PKNOX2: variants seen among roughly 807,000 people sequenced by gnomAD.
The protein encoded by PKNOX2 is homeobox protein PKNOX2.
Under a neutral mutation model 53.1 loss-of-function variants are expected in PKNOX2, and 14 were observed. That is an observed-to-expected ratio of 0.26 (90% CI 0.17 to 0.41). The LOEUF (loss-of-function observed/expected upper bound fraction) is 0.41. Ranked by LOEUF, PKNOX2 falls within the 10% of genes least tolerant of loss-of-function variation. The pLI is 1.00. For missense variants in PKNOX2, 496 were observed against 602.8 expected, an observed-to-expected ratio of 0.82 and a Z score of 1.85; for synonymous variants, 257 against 242.8, an observed-to-expected ratio of 1.06 and a Z score of -0.54.
At chr11:125,263,351 C>CTTCCCGCATGA (rs774971955) in intron 2 of PKNOX2, among the ~76,000 whole-genome samples, 86 of 152,290 alleles carry the variant, frequency 5.6e-4, no homozygotes, top group Non-Finnish European at 1.1e-3. Flanking sequence ...GGAGGAGCGG[C>CTTCCCGCATGA]GTGGGAGCAA....
Position 125,426,495 on chromosome 11 carries a change from C to T in PKNOX2, c.937-2517C>T, listed in dbSNP as rs548635432. 4.6e-5 allele frequency among the ~76,000 whole-genome samples: 7 copies of T among 152,330 alleles called. No individual in the cohort carries two copies. In the East Asian group the frequency reaches 9.7e-4, roughly 21 times the overall value. ...GGCTGGTGAACCAGCACAGCCAGCA[C>T]GGCCACTAGCTCTGCTCAAGAAACA... On this transcript the variant is annotated intron_variant, in intron 10 of 12. Coordinates refer to ENST00000298282, the MANE Select transcript of PKNOX2 (RefSeq NM_001382323.2).
chr11:125,177,588 A>G (rs1955794633), intron 1 of PKNOX2, among the ~76,000 whole-genome samples: 1 of 152,142 alleles, frequency 6.6e-6, no homozygotes, highest in African/African-American at 2.4e-5. Flanking sequence ...GGATTCAGTG[A>G]GGTAACAGCA....
Position 125,178,647 on chromosome 11 carries a change from AAGG to A in PKNOX2, c.-201+13873_-201+13875del, listed in dbSNP as rs1565462452. 3.8e-4 allele frequency among the ~76,000 whole-genome samples: 39 copies of A among 103,594 alleles called. 12 individuals carry two copies. The highest frequency in any genetic ancestry group is 2.5e-3 in the African/African-American group (37 of 14,844). 68.0% of individuals were successfully genotyped at this position (103,594 alleles called of 152,430 possible). Reference sequence around the variant, plus strand: ...GAAAGAAAGAAAGAAAGAAAGAAAGAAGGAAGGAAGGAAGGAAGGAAGGAAAGA... The same window carrying A: ...GAAAGAAAGAAAGAAAGAAAGAAAGAAAGGAAGGAAGGAAGGAAGGAAAGA... On this transcript the variant is annotated intron_variant, in intron 1 of 12. Coordinates refer to ENST00000298282, the MANE Select transcript of PKNOX2 (RefSeq NM_001382323.2).
chr11:125,226,020 T>A (rs1941653551), intron 1 of PKNOX2, among the ~76,000 whole-genome samples: 1 of 152,244 alleles, frequency 6.6e-6, no homozygotes, highest in African/African-American at 2.4e-5. Flanking sequence ...GTGTGGCAAC[T>A]TGCCTCCTCC....
intron 1 of PKNOX2, among the ~76,000 whole-genome samples, chr11:125,197,523 C>T (rs11825369): frequency 0.019 from 2,906 of 152,230 alleles, 84 homozygotes; most frequent in African/African-American, 0.065. Context: ...AGGCTCTGCC[C>T]CGGTCTTCAG....
intron 10 of PKNOX2, among the ~76,000 whole-genome samples, chr11:125,412,319 C>T (rs972466618): frequency 1.3e-5 from 2 of 152,178 alleles, no homozygotes; most frequent in African/African-American, 2.4e-5. Context: ...GTGAGCCAAG[C>T]GCTGTGTGGT....
intron 2 of PKNOX2, among the ~76,000 whole-genome samples, chr11:125,302,609 G>T (rs777191233): frequency 6.6e-6 from 1 of 152,204 alleles, no homozygotes; most frequent in Non-Finnish European, 1.5e-5. Flanking sequence ...GCCCTCCAGA[G>T]TATTGGGGGT....
At chr11:125,391,579 C>T (rs1361078276) in intron 6 of PKNOX2, among the ~76,000 whole-genome samples, 2 of 152,214 alleles carry the variant, frequency 1.3e-5, no homozygotes, top group African/African-American at 4.8e-5. Context: ...GTTCAAACTA[C>T]TTGTTCAAAA....
chr11:125,363,199 C>T (rs995843122), intron 4 of PKNOX2, among the ~76,000 whole-genome samples: 5 of 152,184 alleles, frequency 3.3e-5, no homozygotes, highest in Non-Finnish European at 4.4e-5. Context: ...GGATTACAGG[C>T]GTGAGCCACT....
At chr11:125,359,338 A>G (rs986179392) in intron 4 of PKNOX2, among the ~76,000 whole-genome samples, 13 of 151,936 alleles carry the variant, frequency 8.6e-5, no homozygotes, top group African/African-American at 2.7e-4. Flanking sequence ...CAGGGACCAT[A>G]TGGGGACCCA....
At position 125,386,181 on chromosome 11, in the gene PKNOX2, C is replaced by T. The variant is rs138430723; in HGVS notation, c.399+459C>T. Among the ~76,000 whole-genome samples, 305 of 152,322 alleles carry T rather than the reference C, an allele frequency of 2.0e-3. 2 individuals are homozygous for T. The highest frequency in any genetic ancestry group is 6.9e-3 in the African/African-American group (288 of 41,562). On this transcript the variant is annotated intron_variant, in intron 6 of 12. Coordinates refer to ENST00000298282, the MANE Select transcript of PKNOX2 (RefSeq NM_001382323.2). The stretch of plus-strand genomic sequence containing the variant: ...ATTAATCGAGAGAAAGACCTGACAT[C>T]GATGTGCTGAGGAGACCAGTGGAGG...
chr11:125,214,270 C>T (rs1940221907), intron 1 of PKNOX2, among the ~76,000 whole-genome samples: 1 of 152,030 alleles, frequency 6.6e-6, no homozygotes, highest in African/African-American at 2.4e-5. Context: ...CCCACCTACC[C>T]TTGAACCTGA....
At chr11:125,292,917 G>A (rs1324065562) in intron 2 of PKNOX2, among the ~76,000 whole-genome samples, 1 of 151,014 alleles carries the variant, frequency 6.6e-6, no homozygotes, top group African/African-American at 2.4e-5. Context: ...GCCACAAAGT[G>A]GGAGACGATG....
Position 125,402,239 on chromosome 11 carries a change from AC to A in PKNOX2, c.588+4180del, listed in dbSNP as rs370305008. On this transcript the variant is annotated intron_variant, in intron 7 of 12. Coordinates refer to ENST00000298282, the MANE Select transcript of PKNOX2 (RefSeq NM_001382323.2). ...AGCTAGATTTTCCCCCTCCCTAGGAACCCATCCTGTGCTGCAGGCACCCAAT... is the reference window on the plus strand; with the variant it reads ...AGCTAGATTTTCCCCCTCCCTAGGAACCATCCTGTGCTGCAGGCACCCAAT... Among the ~76,000 whole-genome samples, 28 of 152,072 alleles carry A rather than the reference AC, an allele frequency of 1.8e-4. No individual in the cohort carries two copies. The South Asian group carries it at 5.6e-3, about 30-fold the overall frequency.
rs377364151 is a variant in PKNOX2, at chr11:125,293,796, C to G, written c.-129-38023C>G. Among the ~76,000 whole-genome samples the G allele has an allele frequency of 2.3e-4, 35 of 149,346 alleles. 3 individuals carry two copies. Among genetic ancestry groups the G allele is most frequent in the East Asian group, 8.0e-4 (4 of 4,974 alleles). ...ATACTGACACAGACACGCTCACACA[C>G]ACACGCTCACACACACTCACACACA... On this transcript the variant is annotated intron_variant, in intron 2 of 12. Coordinates refer to ENST00000298282, the MANE Select transcript of PKNOX2 (RefSeq NM_001382323.2).
intron 2 of PKNOX2, among the ~76,000 whole-genome samples, chr11:125,236,762 G>A (rs1342597615): frequency 6.6e-6 from 1 of 152,196 alleles, no homozygotes; most frequent in Non-Finnish European, 1.5e-5. Flanking sequence ...GCCTTTTGGA[G>A]GGAAAGGAAG....
intron 2 of PKNOX2, among the ~76,000 whole-genome samples, chr11:125,304,208 T>C (rs770970716): frequency 7.9e-5 from 12 of 152,142 alleles, no homozygotes; most frequent in Admixed American, 3.9e-4. Context: ...GGTGATGTCC[T>C]AAACTGCAGC....
rs1165871037 is a variant in PKNOX2, at chr11:125,183,385, T to G, written c.-201+18609T>G. Among the ~76,000 whole-genome samples, 8 of 121,424 alleles carry G rather than the reference T, an allele frequency of 6.6e-5. 3 individuals are homozygous for G. Among genetic ancestry groups the G allele is most frequent in the Non-Finnish European group, 7.4e-5 (4 of 54,338 alleles). The allele number at this position is 121,424 out of a possible 152,430, so 79.7% of individuals were successfully genotyped here. ...GCGCCCGCCACCGCGCCCGGCTAATTTTTTGTATTTTTAGTAGAGACGGGG... is the reference window on the plus strand; with the variant it reads ...GCGCCCGCCACCGCGCCCGGCTAATGTTTTGTATTTTTAGTAGAGACGGGG... On this transcript the variant is annotated intron_variant, in intron 1 of 12. Transcript: ENST00000298282.
chr11:125,201,771 T>C (rs143167555), intron 1 of PKNOX2, among the ~76,000 whole-genome samples: 28 of 152,298 alleles, frequency 1.8e-4, no homozygotes, highest in Admixed American at 1.8e-3. Flanking sequence ...TCCTTCAAGG[T>C]TTTCTTCCAG....
Sources: allele counts gnomAD v4.1 joint callset (sites outside exome capture counted in the v4.1 genomes callset), GRCh38; gene constraint gnomAD v4.1.1; transcripts MANE v1.5; gene names NCBI Gene and HGNC (gene_info 2026-07-23, HGNC 2026-07-21).